Variants in MGAT4C observed in about 807,000 individuals in gnomAD.
MGAT4C encodes alpha-1,3-mannosyl-glycoprotein 4-beta-N-acetylglucosaminyltransferase C.
In MGAT4C, 19 loss-of-function variants were observed where a neutral mutation model predicts 40.1. The ratio of observed to expected loss-of-function variants is 0.47; its 90% CI spans 0.33 to 0.70. The LOEUF is 0.70. MGAT4C is among the 30% of genes least tolerant of loss of function. MGAT4C has a pLI of 0.02. For synonymous variants in MGAT4C, 181 were observed against 187.1 expected (o/e 0.97, Z 0.27); for missense variants, 491 against 563.2 (o/e 0.87, Z 1.30).
Position 86,075,036 on chromosome 12 carries a change from C to A in MGAT4C, c.-56-25313G>T, listed in dbSNP as rs115447529. On this transcript the variant is annotated intron_variant, in intron 1 of 4. Transcript: ENST00000611864. Reference sequence around the variant, plus strand: ...TTCAATACCAATCATGCTTTCCCAACAGTCCCCCAATCTTAACTCATTTCA... The same window carrying A: ...TTCAATACCAATCATGCTTTCCCAAAAGTCCCCCAATCTTAACTCATTTCA... 9.0e-3 allele frequency among the ~76,000 whole-genome samples: 1,369 copies of A among 152,232 alleles called. 20 individuals carry two copies. Among genetic ancestry groups the A allele is most frequent in the African/African-American group, 0.031 (1,284 of 41,524 alleles).
At chr12:86,716,093 C>T (rs1950641189) in intron 2 of MGAT4C, among the ~76,000 whole-genome samples, 1 of 152,016 alleles carries the variant, frequency 6.6e-6, no homozygotes, top group African/African-American at 2.4e-5. Context: ...TTGTTTGTTA[C>T]TATTGTGAAA....
intron 1 of MGAT4C, among the ~76,000 whole-genome samples, chr12:86,128,925 G>T (rs1003292218): frequency 3.3e-5 from 5 of 152,002 alleles, no homozygotes; most frequent in African/African-American, 1.2e-4. Context: ...TTTTGAAAAG[G>T]GTGTCCTTTC....
chr12:86,595,530 CAA>C (rs1161021131), intron 2 of MGAT4C, among the ~76,000 whole-genome samples: 11 of 77,304 alleles, frequency 1.4e-4, no homozygotes, highest in African/African-American at 1.5e-4. Flanking sequence ...AACTCTGTCT[CAA>C]AAAAAAAAAA....
At chr12:86,078,731 T>C (rs1345743815) in intron 1 of MGAT4C, among the ~76,000 whole-genome samples, 2 of 152,168 alleles carry the variant, frequency 1.3e-5, no homozygotes, top group Admixed American at 6.5e-5. Flanking sequence ...CCTGCCACCA[T>C]GGCCACTTTG....
chr12:86,473,281 A>T (rs143204511), intron 2 of MGAT4C, among the ~76,000 whole-genome samples: 32 of 152,200 alleles, frequency 2.1e-4, no homozygotes, highest in African/African-American at 7.0e-4. Flanking sequence ...TGTGTGTGAA[A>T]GTAGGAATGG....
chr12:86,425,536 T>C (rs895918587), intron 3 of MGAT4C, among the ~76,000 whole-genome samples: 25 of 152,246 alleles, frequency 1.6e-4, no homozygotes, highest in African/African-American at 5.8e-4. Flanking sequence ...GTTTTATTAA[T>C]AAATTACGCA....
At position 86,413,399 on chromosome 12, in the gene MGAT4C, A is replaced by C. The variant is rs1240173464; in HGVS notation, c.-120+21758T>G. 3.3e-5 allele frequency among the ~76,000 whole-genome samples: 5 copies of C among 152,296 alleles called. No homozygotes were observed. In the East Asian group the frequency reaches 9.7e-4, roughly 29 times the overall value. On this transcript the variant is annotated intron_variant, in intron 3 of 7. Transcript: ENST00000548651. Reference sequence around the variant, plus strand: ...TTAAGGTAAGATGCCTAATAAACTGAATATGGGACTTTGAAACTCAGGAGA... The same window carrying C: ...TTAAGGTAAGATGCCTAATAAACTGCATATGGGACTTTGAAACTCAGGAGA...
intron 2 of MGAT4C, among the ~76,000 whole-genome samples, chr12:86,458,528 A>C (rs931416164): frequency 5.3e-5 from 8 of 152,170 alleles, no homozygotes; most frequent in East Asian, 1.9e-4. Flanking sequence ...GAATGTAGAA[A>C]ACAATTATAT....
chr12:86,528,590 T>G (rs963326017), intron 2 of MGAT4C, among the ~76,000 whole-genome samples: 1 of 152,074 alleles, frequency 6.6e-6, no homozygotes, highest in African/African-American at 2.4e-5. Context: ...TGCTGATGAC[T>G]GGTAGAAAAT....
At chr12:86,734,393 G>T (rs1950954415) in intron 1 of MGAT4C, among the ~76,000 whole-genome samples, 1 of 151,956 alleles carries the variant, frequency 6.6e-6, no homozygotes. Flanking sequence ...CATGTGCAGG[G>T]GCTGAACTTG....
intron 1 of MGAT4C, among the ~76,000 whole-genome samples, chr12:86,071,264 A>C (rs1425215698): frequency 6.6e-6 from 1 of 152,084 alleles, no homozygotes; most frequent in Non-Finnish European, 1.5e-5. Flanking sequence ...GTCAAAGTTA[A>C]AAAGGGTCAT....
intron 1 of MGAT4C, among the ~76,000 whole-genome samples, chr12:86,804,726 A>G (rs1255945408): frequency 1.3e-5 from 2 of 152,054 alleles, no homozygotes; most frequent in Non-Finnish European, 2.9e-5. Context: ...AAATTATCTA[A>G]GCCATCAAAG....
At chr12:86,715,055 G>A (rs1369571460) in intron 2 of MGAT4C, among the ~76,000 whole-genome samples, 1 of 151,986 alleles carries the variant, frequency 6.6e-6, no homozygotes, top group Non-Finnish European at 1.5e-5. Context: ...ATCTCGTTAT[G>A]TTTAATTCAA....
chr12:86,156,109 A>G (rs1884903455), intron 1 of MGAT4C, among the ~76,000 whole-genome samples: 3 of 152,322 alleles, frequency 2.0e-5, no homozygotes, highest in Non-Finnish European at 2.9e-5. Flanking sequence ...ACACATATAT[A>G]TACAGTTATT....
chr12:86,341,399 C>A (rs1011389006), intron 3 of MGAT4C, among the ~76,000 whole-genome samples: 1 of 152,138 alleles, frequency 6.6e-6, no homozygotes, highest in Non-Finnish European at 1.5e-5. Flanking sequence ...AACCATGGAG[C>A]CTTAGATACT....
At chr12:86,812,363 T>C (rs1952495390) in intron 1 of MGAT4C, among the ~76,000 whole-genome samples, 1 of 152,114 alleles carries the variant, frequency 6.6e-6, no homozygotes, top group Admixed American at 6.6e-5. Flanking sequence ...TTATTTTCTA[T>C]CTAGTAATTC....
chr12:86,492,159 A>C (rs1592913063), intron 2 of MGAT4C, among the ~76,000 whole-genome samples: 1 of 152,304 alleles, frequency 6.6e-6, no homozygotes, highest in African/African-American at 2.4e-5. Flanking sequence ...ATACAAACAA[A>C]TGGAAGAACA....
At chr12:86,299,282 A>AT (rs1335164588) in intron 4 of MGAT4C, among the ~76,000 whole-genome samples, 13 of 151,690 alleles carry the variant, frequency 8.6e-5, no homozygotes, top group South Asian at 2.1e-4. Flanking sequence ...AGGCCCAGCT[A>AT]TTTTTTTTGT....
At chr12:85,990,649 G>C (rs1167379216) in intron 2 of MGAT4C, among the ~76,000 whole-genome samples, 1 of 151,972 alleles carries the variant, frequency 6.6e-6, no homozygotes, top group Non-Finnish European at 1.5e-5. Context: ...TTAGGAATTA[G>C]AAGAAAGTCT....
Sources: allele counts gnomAD v4.1 joint callset (sites outside exome capture counted in the v4.1 genomes callset), GRCh38; gene constraint gnomAD v4.1.1; transcripts MANE v1.5; gene names NCBI Gene and HGNC (gene_info 2026-07-23, HGNC 2026-07-21).